PLXNA2: variants seen among roughly 807,000 people sequenced by gnomAD.
PLXNA2 encodes the protein plexin-A2.
In PLXNA2, 91 loss-of-function variants were observed where a neutral mutation model predicts 193.5. The observed-to-expected ratio is 0.47, with a 90% CI of 0.40 to 0.56. The LOEUF is 0.56. Ranked by LOEUF, PLXNA2 falls within the 20% of genes least tolerant of loss-of-function variation. PLXNA2 has a pLI of 0.00. For synonymous variants in PLXNA2, 997 were observed against 1,027.3 expected, an observed-to-expected ratio of 0.97 and a Z score of 0.56; for missense variants, 1,995 against 2,503.2, an observed-to-expected ratio of 0.80 and a Z score of 4.33.
intron 1 of PLXNA2, among the ~76,000 whole-genome samples, chr1:208,223,794 G>A (rs905071663): frequency 1.3e-5 from 2 of 152,166 alleles, no homozygotes; most frequent in Non-Finnish European, 1.5e-5. Flanking sequence ...TAGATATTAA[G>A]GGGGACATTC....
chr1:208,119,092 G>A (rs1318397918), intron 4 of PLXNA2, among the ~76,000 whole-genome samples: 1 of 152,130 alleles, frequency 6.6e-6, no homozygotes, highest in Admixed American at 6.5e-5. Flanking sequence ...ATCATTCCAG[G>A]GCATGTGGGG....
chr1:208,233,501 C>G (rs888477059), intron 1 of PLXNA2, among the ~76,000 whole-genome samples: 1 of 152,218 alleles, frequency 6.6e-6, no homozygotes, highest in Non-Finnish European at 1.5e-5. Flanking sequence ...GCTGGGGGCC[C>G]GCAGTGGAAG....
chr1:208,081,167 G>A (rs963157750), intron 11 of PLXNA2, among the ~76,000 whole-genome samples: 1 of 152,226 alleles, frequency 6.6e-6, no homozygotes, highest in Non-Finnish European at 1.5e-5. Flanking sequence ...TCCCCAGCAG[G>A]GTAATTGTCT....
Position 208,054,452 on chromosome 1 carries a change from A to G in PLXNA2, c.2825T>C (p.Met942Thr). ...LCIGECKPEF[M>T]TKSHQQYTFV... is the part of the protein sequence containing the mutation. Reference sequence around the variant, plus strand: ...GGTGTACTGCTGATGGGACTTCGTCATGAACTCTGGCTTACACTCGCCAAT... The same window carrying G: ...GGTGTACTGCTGATGGGACTTCGTCGTGAACTCTGGCTTACACTCGCCAAT... The change falls in exon 14 of 32, where the codon ATG becomes ACG. Residue 942 changes from methionine to threonine, a missense_variant. Around this residue, in one of 3 missense-constraint regions of PLXNA2, gnomAD observed 1,291 missense variants for 1,673.6 expected, o/e 0.77. Transcript: ENST00000367033. The G allele has an allele frequency of 6.2e-7, 1 of 1,614,200 alleles. No individual in the cohort carries two copies. Among genetic ancestry groups the G allele is most frequent in the Non-Finnish European group, 8.5e-7 (1 of 1,179,988 alleles).
intron 7 of PLXNA2, 40 bp from the exon 8 acceptor site, chr1:208,096,165 C>A (rs374245558): frequency 2.0e-6 from 3 of 1,474,708 alleles, no homozygotes; most frequent in South Asian, 1.1e-5. Flanking sequence ...TGGGTAACAA[C>A]GTGGGGGACC....
chr1:208,142,323 A>C lies in PLXNA2; in HGVS notation c.1506+6T>G. ...TTGGAAAGCAGAGATGGATGTTAGC[A>C]CTTACCTGTCTCTCAGACATGACGT... On this transcript the variant is annotated splice_donor_region_variant and intron_variant, in intron 4 of 31. Transcript: ENST00000367033. 1 of 1,589,076 alleles carries C rather than the reference A, an allele frequency of 6.3e-7. No homozygotes were observed. The highest frequency in any genetic ancestry group is 1.2e-5 in the South Asian group (1 of 86,458).
At chr1:208,209,940 A>G (rs1346305466) in intron 3 of PLXNA2, 9 of 223,254 alleles carry the variant, frequency 4.0e-5, no homozygotes, top group Admixed American at 6.0e-5. Context: ...TATAATGCAC[A>G]TAATCAAAAA....
intron 1 of PLXNA2, among the ~76,000 whole-genome samples, chr1:208,224,489 A>G (rs1277087975): frequency 6.6e-6 from 1 of 151,530 alleles, no homozygotes; most frequent in Non-Finnish European, 1.5e-5. Context: ...GAAGATTGTT[A>G]TTAGTATATT....
At chr1:208,198,153 T>A (rs959635240) in intron 3 of PLXNA2, among the ~76,000 whole-genome samples, 1 of 152,194 alleles carries the variant, frequency 6.6e-6, no homozygotes, top group Non-Finnish European at 1.5e-5. Flanking sequence ...TGGAATTGCA[T>A]AAGCCCCATA....
chr1:208,222,631 G>A (rs1671375099), intron 1 of PLXNA2, among the ~76,000 whole-genome samples: 1 of 152,198 alleles, frequency 6.6e-6, no homozygotes, highest in Admixed American at 6.5e-5. Flanking sequence ...TGGCAAAGCA[G>A]GGAAGAAATG....
At chr1:208,068,683 T>G (rs541243013) in intron 12 of PLXNA2, among the ~76,000 whole-genome samples, 135 of 152,338 alleles carry the variant, frequency 8.9e-4, no homozygotes, top group Non-Finnish European at 1.6e-3. Context: ...CTTCCTTTGC[T>G]TGTCACACAC....
intron 4 of PLXNA2, among the ~76,000 whole-genome samples, chr1:208,114,384 T>C (rs1459708438): frequency 5.3e-5 from 8 of 152,188 alleles, no homozygotes; most frequent in Non-Finnish European, 1.2e-4. Flanking sequence ...CATCAAATGG[T>C]ATGACACAGA....
At chr1:208,145,399 G>A (rs1405309812) in intron 3 of PLXNA2, among the ~76,000 whole-genome samples, 1 of 152,208 alleles carries the variant, frequency 6.6e-6, no homozygotes, top group Non-Finnish European at 1.5e-5. Context: ...CCTGGTCTGG[G>A]ATCTCCTGCC....
intron 10 of PLXNA2, among the ~76,000 whole-genome samples, chr1:208,083,396 C>T (rs1025350404): frequency 2.6e-5 from 4 of 152,208 alleles, no homozygotes; most frequent in Non-Finnish European, 2.9e-5. Flanking sequence ...CCCGACCCCC[C>T]ACTCTTCAGC....
chr1:208,079,612 G>A (rs1666269957), intron 11 of PLXNA2, among the ~76,000 whole-genome samples, 162 bp from the exon 12 acceptor site: 1 of 152,172 alleles, frequency 6.6e-6, no homozygotes, highest in Non-Finnish European at 1.5e-5. Flanking sequence ...TTAGTAAATT[G>A]AGCCTCTTAC....
At chr1:208,128,942 G>A (rs1340734244) in intron 4 of PLXNA2, among the ~76,000 whole-genome samples, 2 of 152,090 alleles carry the variant, frequency 1.3e-5, no homozygotes, top group Admixed American at 6.5e-5. Flanking sequence ...TGATCCACCC[G>A]CCTCAGCCTC....
rs373568235 is a variant in PLXNA2, at chr1:208,028,179, C to T, written c.5439-20G>A. On this transcript the variant is annotated intron_variant, in intron 30 of 31. Transcript: ENST00000367033. The surrounding 1 kb of genome is among the most constrained non-coding windows in gnomAD (Gnocchi z 4.2). ...TAGTATCTGCCAGAGACAGGATAGG[C>T]GCCTTGGTGGAGGCCTCAGCAAACA... The T allele has an allele frequency of 3.3e-5, 52 of 1,590,088 alleles. No individual in the cohort carries two copies. The highest frequency in any genetic ancestry group is 1.4e-4 in the East Asian group (6 of 43,902).
intron 3 of PLXNA2, among the ~76,000 whole-genome samples, chr1:208,196,682 G>C (rs1411063574): frequency 1.3e-5 from 2 of 152,216 alleles, no homozygotes; most frequent in African/African-American, 4.8e-5. Flanking sequence ...TGGCAGTGGG[G>C]GCAAGAAGCT....
Position 208,217,057 on chromosome 1 carries a change from T to C in PLXNA2, c.866A>G (p.Lys289Arg). ...RIVRLCKDDP[K>R]FHSYVSLPFG... ...GGGCAGGGACACGTATGAGTGGAAC[T>C]TGGGGTCATCCTTGCAGAGCCGCAC... Residue 289 changes from lysine to arginine, a missense_variant, in exon 2 of 32, where the codon AAG (lysine) becomes AGG (arginine). Transcript: ENST00000367033. The surrounding 1 kb of genome is among the most constrained non-coding windows in gnomAD (Gnocchi z 4.7). The C allele has an allele frequency of 6.2e-7, 1 of 1,613,446 alleles. No homozygotes were observed.
Sources: allele counts gnomAD v4.1 joint callset (sites outside exome capture counted in the v4.1 genomes callset), GRCh38; gene constraint gnomAD v4.1.1; regional missense constraint gnomAD v4.1.1; non-coding constraint Gnocchi (gnomAD v3.1); transcripts MANE v1.5; gene names NCBI Gene and HGNC (gene_info 2026-07-23, HGNC 2026-07-21).